ETFA: variants seen among roughly 807,000 people sequenced by gnomAD.
The protein encoded by ETFA is electron transfer flavoprotein subunit alpha, also known as electron transfer flavoprotein subunit alpha, mitochondrial.
Under a neutral mutation model 46.2 loss-of-function variants are expected in ETFA, and 22 were observed. The ratio of observed to expected loss-of-function variants is 0.48; its 90% CI spans 0.34 to 0.68. ETFA has a LOEUF of 0.68. Ranked by LOEUF, ETFA falls within the 30% of genes least tolerant of loss-of-function variation. The probability of loss-of-function intolerance (pLI) is 0.01; values close to 1 mark genes in which losing one functional copy is unlikely to be tolerated. For synonymous variants in ETFA, 131 were observed against 139.9 expected (o/e 0.94, Z 0.45); for missense variants, 345 against 401.1 (o/e 0.86, Z 1.19).
At chr15:76,290,820 A>G (rs1485904100) in intron 4 of ETFA, among the ~76,000 whole-genome samples, 1 of 152,224 alleles carries the variant, frequency 6.6e-6, no homozygotes, top group Non-Finnish European at 1.5e-5. Context: ...TGAGTTGGGA[A>G]TAAGAAAGCA....
chr15:76,300,745 C>T (rs565102871), intron 1 of ETFA, among the ~76,000 whole-genome samples: 174 of 152,098 alleles, frequency 1.1e-3, no homozygotes, highest in Non-Finnish European at 2.1e-3. Context: ...TATTTTATGG[C>T]GTGATCTACC....
At chr15:76,265,664 AC>A (rs2039463728) in intron 9 of ETFA, among the ~76,000 whole-genome samples, 1 of 152,166 alleles carries the variant, frequency 6.6e-6, no homozygotes, top group Admixed American at 6.5e-5. Context: ...GATGGCAGGG[AC>A]AATCCAACCT....
intron 1 of ETFA, among the ~76,000 whole-genome samples, chr15:76,301,167 G>A (rs2039876616): frequency 6.6e-6 from 1 of 152,190 alleles, no homozygotes; most frequent in Admixed American, 6.5e-5. Flanking sequence ...CTCAATAAAT[G>A]TTAGCTACAC....
At chr15:76,309,588 G>A (rs746241272) in intron 1 of ETFA, among the ~76,000 whole-genome samples, 58 of 152,214 alleles carry the variant, frequency 3.8e-4, no homozygotes, top group Admixed American at 1.6e-3. Flanking sequence ...ATTAGCCAAC[G>A]ATGTGGATAG....
rs1006093803 is a variant in ETFA, at chr15:76,260,298, C to T, written c.816+14114G>A. 4.3e-5 allele frequency: 52 copies of T among 1,213,058 alleles called. No homozygotes were observed. In the East Asian group the frequency reaches 1.0e-3, roughly 24 times the overall value. 75.1% of individuals were successfully genotyped at this position (1,213,058 alleles called of 1,614,324 possible). A position where few individuals can be genotyped will look rare whatever the true frequency, so the allele number is the denominator to read the frequency against. On this transcript the variant is annotated intron_variant, in intron 9 of 11. Transcript: ENST00000557943. ...CCAGAAGTGAATGGCTGGCTCTCCCCGGGAAATGACACTGTCAAAGCCTTG... is the reference window on the plus strand; with the variant it reads ...CCAGAAGTGAATGGCTGGCTCTCCCTGGGAAATGACACTGTCAAAGCCTTG...
intron 9 of ETFA, among the ~76,000 whole-genome samples, chr15:76,256,478 A>C (rs2039346977): frequency 6.6e-6 from 1 of 152,202 alleles, no homozygotes; most frequent in South Asian, 2.1e-4. Context: ...TTTTTACTTC[A>C]AAGAAAATCT....
At chr15:76,220,373 G>GT (rs1236627207) in intron 11 of ETFA, among the ~76,000 whole-genome samples, 1 of 152,188 alleles carries the variant, frequency 6.6e-6, no homozygotes, top group Non-Finnish European at 1.5e-5. Flanking sequence ...GCTGGCAATG[G>GT]TTTTTTAGAT....
In ETFA at chr15:76,287,913, C is replaced by T. The variant is rs762625654; in HGVS notation, c.384G>A (p.Glu128=). Residue 128 remains glutamate, a synonymous_variant, in exon 5 of 12, where the codon GAG becomes GAA. Transcript: ENST00000557943. ...NLLPRVAAKL[E]VAPISDIIAI... ...CAATGATGTCAGAAATCGGGGCAAC[C>T]TCAAGTTTGGCTGCTACTCTGGGCA... is the stretch of plus-strand genomic sequence containing the variant. 3.1e-6 allele frequency: 5 copies of T among 1,614,022 alleles called. No homozygotes were observed. Among genetic ancestry groups the T allele is most frequent in the Non-Finnish European group, 4.2e-6 (5 of 1,179,936 alleles).
At chr15:76,272,214 C>A (rs994131162) in intron 9 of ETFA, among the ~76,000 whole-genome samples, 1 of 147,194 alleles carries the variant, frequency 6.8e-6, no homozygotes, top group South Asian at 2.1e-4. Context: ...CTCTGAATTT[C>A]TTTCTTTCTT....
chr15:76,258,991 A>G, intron 9 of ETFA: 1 of 1,603,418 alleles, frequency 6.2e-7, no homozygotes, highest in South Asian at 1.1e-5. Context: ...GTGAGCTAAC[A>G]GCTATTGTGT....
chr15:76,253,650 A>G (rs1282397972), intron 9 of ETFA, among the ~76,000 whole-genome samples: 1 of 152,240 alleles, frequency 6.6e-6, no homozygotes, highest in Non-Finnish European at 1.5e-5. Context: ...AAAAACAAAG[A>G]AATACTGAAT....
intron 9 of ETFA, among the ~76,000 whole-genome samples, chr15:76,258,232 T>C (rs368856209): frequency 4.8e-4 from 73 of 152,294 alleles, no homozygotes; most frequent in Admixed American, 1.0e-3. Flanking sequence ...ATTGTGGGCA[T>C]GGAGAGGGGC....
At chr15:76,226,174 C>T (rs907745868) in intron 10 of ETFA, 2 of 381,888 alleles carry the variant, frequency 5.2e-6, no homozygotes, top group Non-Finnish European at 4.7e-6. Flanking sequence ...TTTAAAAGTT[C>T]TTCTTTTGAC....
In ETFA at chr15:76,311,446, C is replaced by T. The variant is rs2039997969; in HGVS notation, c.-58G>A. On this transcript the variant is annotated 5_prime_UTR_variant, in exon 1 of 12. Transcript: ENST00000557943. ...AGCAGCCCCGTGCCCGGCCAACTGG[C>T]GCCGCCTCAGCCAGTCACCTAATGC... The T allele has an allele frequency of 5.2e-6, 8 of 1,539,946 alleles. No homozygotes were observed. Among genetic ancestry groups the T allele is most frequent in the Non-Finnish European group, 7.0e-6 (8 of 1,143,638 alleles).
In ETFA at chr15:76,243,219, C is replaced by T. The variant is rs937840963; in HGVS notation, c.817-11821G>A. On this transcript the variant is annotated intron_variant, in intron 9 of 11. Coordinates refer to ENST00000557943, the MANE Select transcript of ETFA (RefSeq NM_000126.4). Reference sequence around the variant, plus strand: ...CTGAGGCAGGAGAATTGCTTGAACCCGAGATGGCACCACTGCACTCCGGCC... The same window carrying T: ...CTGAGGCAGGAGAATTGCTTGAACCTGAGATGGCACCACTGCACTCCGGCC... 5.3e-5 allele frequency among the ~76,000 whole-genome samples: 8 copies of T among 151,066 alleles called. No homozygotes were observed. The East Asian group carries it at 7.8e-4, about 15-fold the overall frequency.
At chr15:76,224,208 C>A (rs531969163) in intron 11 of ETFA, among the ~76,000 whole-genome samples, 1 of 152,248 alleles carries the variant, frequency 6.6e-6, no homozygotes, top group Non-Finnish European at 1.5e-5. Context: ...CTTTTTCATA[C>A]CAGCCCCCCT....
At chr15:76,273,484 G>A (rs2039560454) in intron 9 of ETFA, among the ~76,000 whole-genome samples, 3 of 152,016 alleles carry the variant, frequency 2.0e-5, no homozygotes, top group Admixed American at 1.3e-4. Context: ...GAACCCAGGA[G>A]GTGGAGGTTG....
chr15:76,291,035 G>A (rs1317479937), intron 4 of ETFA, among the ~76,000 whole-genome samples: 1 of 152,140 alleles, frequency 6.6e-6, no homozygotes, highest in Non-Finnish European at 1.5e-5. Flanking sequence ...GCACAACATA[G>A]GGAGACTACA....
At chr15:76,232,941 G>A (rs1038180756) in intron 9 of ETFA, among the ~76,000 whole-genome samples, 3 of 152,148 alleles carry the variant, frequency 2.0e-5, no homozygotes, top group Non-Finnish European at 2.9e-5. Context: ...GTGTCCAACT[G>A]CTCCTAGAGC....
Sources: gnomAD v4.1 joint callset for allele counts (sites outside exome capture counted in the v4.1 genomes callset) on GRCh38, gnomAD v4.1.1 for gene constraint, MANE v1.5 for transcripts, NCBI Gene and HGNC (gene_info 2026-07-23, HGNC 2026-07-21) for gene names.